The following ITGB1 variants were observed in gnomAD, a reference collection of about 807,000 sequenced individuals.
ITGB1 encodes integrin subunit beta 1.
In ITGB1, 24 loss-of-function variants were observed where a neutral mutation model predicts 86.5. The observed-to-expected ratio is 0.28, with a 90% CI of 0.20 to 0.39. The LOEUF is 0.39. ITGB1 is among the 10% of genes least tolerant of loss of function. The pLI, the probability that ITGB1 is intolerant of heterozygous loss-of-function variation, is 1.00. For missense variants in ITGB1, 556 were observed against 946.9 expected, an observed-to-expected ratio of 0.59 and a Z score of 5.42; for synonymous variants, 323 against 316.8, an observed-to-expected ratio of 1.02 and a Z score of -0.21.
At chr10:32,905,665 C>T (rs1022770848) in intron 15 of ITGB1, among the ~76,000 whole-genome samples, 15 of 152,188 alleles carry the variant, frequency 9.9e-5, no homozygotes, top group African/African-American at 2.7e-4. Flanking sequence ...AGTTACATAA[C>T]CCTTATGTGT....
At chr10:32,914,202 G>A (rs2050786904) in intron 11 of ITGB1, among the ~76,000 whole-genome samples, 1 of 152,172 alleles carries the variant, frequency 6.6e-6, no homozygotes, top group Non-Finnish European at 1.5e-5. Context: ...ACCAGCCACT[G>A]CAAAAACATG....
In ITGB1 at chr10:32,929,979, C is replaced by A. The variant is rs763951643; in HGVS notation, c.219G>T (p.Lys73Asn). 1.7e-6 allele frequency: 2 copies of A among 1,196,350 alleles called. No homozygotes were observed. Among genetic ancestry groups the A allele is most frequent in the Admixed American group, 1.7e-5 (1 of 59,538 alleles). The allele number at this position is 1,196,350 out of a possible 1,614,324, so 74.1% of individuals were successfully genotyped here. Residue 73 changes from lysine to asparagine, a missense_variant, in exon 4 of 16, where the codon AAG becomes AAT. Lys to Asn is a moderately conservative substitution (Grantham distance 94). Around this residue, in one of 4 missense-constraint regions of ITGB1, gnomAD observed 183 missense variants for 263.9 expected, o/e 0.69. Coordinates refer to ENST00000302278, the MANE Select transcript of ITGB1 (RefSeq NM_002211.4). ...TTTCTATGTCATCTGGAGGGCAACC[C>A]TTCTTTTTTAAGGCTTCTAAATCAT... is the stretch of plus-strand genomic sequence containing the variant. ...RCDDLEALKKKGCPPDDIENP... is the reference protein window; with the variant it reads ...RCDDLEALKKNGCPPDDIENP...
At chr10:32,928,308 A>G (rs199978557) in intron 4 of ITGB1, 44 bp from the exon 5 acceptor site, 5 of 775,798 alleles carry the variant, frequency 6.4e-6, no homozygotes, top group South Asian at 1.6e-5. Context: ...CCTGTTGGCA[A>G]TCAAACGCAA....
Position 32,932,381 on chromosome 10 carries a change from A to C in ITGB1, c.153+134T>G. 5.0e-6 allele frequency: 3 copies of C among 600,106 alleles called. No homozygotes were observed. In the South Asian group the frequency reaches 6.5e-5, roughly 13 times the overall value. 37.2% of individuals were successfully genotyped at this position (600,106 alleles called of 1,614,324 possible). ...TGCCTAGTGGCTACTGTGTTGAACC[A>C]CATAGCTCCAAACCATTAGGTTATT... On this transcript the variant is annotated intron_variant, in intron 3 of 15. Transcript: ENST00000302278.
At chr10:32,939,424 C>T (rs1187808998) in intron 1 of ITGB1, among the ~76,000 whole-genome samples, 1 of 152,210 alleles carries the variant, frequency 6.6e-6, no homozygotes, top group Non-Finnish European at 1.5e-5. Flanking sequence ...AAGGCAATCT[C>T]ATCTTTGTGC....
At chr10:32,940,713 C>G (rs571669489) in intron 1 of ITGB1, among the ~76,000 whole-genome samples, 4 of 152,350 alleles carry the variant, frequency 2.6e-5, no homozygotes, top group Admixed American at 6.5e-5. Context: ...ACCTTACTCT[C>G]TGCATTCATT....
At chr10:32,954,974 C>A (rs1363000945) in intron 1 of ITGB1, among the ~76,000 whole-genome samples, 3 of 152,192 alleles carry the variant, frequency 2.0e-5, no homozygotes, top group East Asian at 3.8e-4. Flanking sequence ...TTGTACACAG[C>A]TCCTGAAAGA....
At chr10:32,958,082 C>T (rs1321178519) in intron 1 of ITGB1, 63 bp downstream of exon 1, 1 of 148,456 alleles carries the variant, frequency 6.7e-6, no homozygotes, top group African/African-American at 2.5e-5. Context: ...TTAAGTGCTG[C>T]CGCGCACAGG....
intron 15 of ITGB1, among the ~76,000 whole-genome samples, chr10:32,906,187 T>C (rs1337835436): frequency 3.9e-5 from 6 of 152,230 alleles, no homozygotes; most frequent in Non-Finnish European, 8.8e-5. Context: ...TGTAGTTGCA[T>C]ACCATACAAA....
intron 15 of ITGB1, among the ~76,000 whole-genome samples, chr10:32,905,045 A>T (rs1172924059): frequency 1.1e-4 from 4 of 35,854 alleles, no homozygotes; most frequent in Middle Eastern, 0.022. Context: ...ATATGTATTA[A>T]AAAAAAAAAA....
In ITGB1 at chr10:32,923,613, T is replaced by C. The variant is rs750871428; in HGVS notation, c.914A>G (p.Asn305Ser). 1.2e-6 allele frequency: 2 copies of C among 1,613,702 alleles called. No individual in the cohort carries two copies. Among genetic ancestry groups the C allele is most frequent in the South Asian group, 2.2e-5 (2 of 91,026 alleles). The change falls in exon 7 of 16, where the codon AAT (asparagine) becomes AGT (serine). Residue 305 changes from asparagine (N) to serine (S), a missense_variant. Asn to Ser is a conservative substitution (Grantham distance 46, BLOSUM62 1). Coordinates refer to ENST00000302278, the MANE Select transcript of ITGB1 (RefSeq NM_002211.4). ...ATAATGGCTCATTGTGTACATATTA[T>C]TTTCCAGGTGACATTGTCCATCATT... ...LPNDGQCHLE[N>S]NMYTMSHYYD... is the part of the protein sequence containing the mutation.
intron 1 of ITGB1, among the ~76,000 whole-genome samples, chr10:32,939,877 C>A (rs2095014163): frequency 6.6e-6 from 1 of 152,194 alleles, no homozygotes; most frequent in Non-Finnish European, 1.5e-5. Flanking sequence ...CTAAAGCCTG[C>A]ACAGCTGCCC....
intron 11 of ITGB1, among the ~76,000 whole-genome samples, chr10:32,917,289 C>T (rs1157393237): frequency 6.6e-6 from 1 of 152,048 alleles, no homozygotes; most frequent in Non-Finnish European, 1.5e-5. Context: ...TAGGCAAGGA[C>T]TTCATGACTA....
Position 32,920,333 on chromosome 10 carries a change from G to A in ITGB1, c.1181C>T (p.Thr394Ile). Residue 394 changes from threonine to isoleucine, a missense_variant, in exon 10 of 16, where the codon ACA becomes ATA. Physicochemically the swap from Thr to Ile is moderately conservative, Grantham distance 89 (BLOSUM62 -1). Around this residue, in one of 4 missense-constraint regions of ITGB1, gnomAD observed 330 missense variants for 531.5 expected, o/e 0.62. Coordinates refer to ENST00000302278, the MANE Select transcript of ITGB1 (RefSeq NM_002211.4). ...LENGKLSEGV[T>I]ISYKSYCKNG... is the part of the protein sequence containing the mutation. ...CTTGCAGTAAGATTTGTAACTTATT[G>A]TTACGCCTTCTGACAATTTGCCGTT... 1.2e-6 allele frequency: 2 copies of A among 1,612,730 alleles called. No individual in the cohort carries two copies. The highest frequency in any genetic ancestry group is 2.2e-5 in the South Asian group (2 of 91,030).
chr10:32,934,671 T>C (rs1290320614), intron 2 of ITGB1, among the ~76,000 whole-genome samples: 1 of 152,260 alleles, frequency 6.6e-6, no homozygotes, highest in Admixed American at 6.5e-5. Context: ...CATTGTTTCA[T>C]ATTTTTACTA....
At chr10:32,922,571 T>C in intron 8 of ITGB1, 69 bp downstream of exon 8, 1 of 1,013,998 alleles carries the variant, frequency 9.9e-7, no homozygotes, top group Non-Finnish European at 1.5e-6. Context: ...CACATTTCAA[T>C]TCAGACATGA....
chr10:32,917,220 AC>A (rs2094934630), intron 11 of ITGB1, among the ~76,000 whole-genome samples: 1 of 152,264 alleles, frequency 6.6e-6, no homozygotes, highest in Non-Finnish European at 1.5e-5. Context: ...TAGATGTCAG[AC>A]CTAAAACCAT....
At chr10:32,915,310 A>G (rs1453687000) in intron 11 of ITGB1, among the ~76,000 whole-genome samples, 1 of 152,232 alleles carries the variant, frequency 6.6e-6, no homozygotes, top group African/African-American at 2.4e-5. Flanking sequence ...AGAAATAACT[A>G]AGATCAGAGC....
chr10:32,954,894 A>G (rs1420640114), intron 1 of ITGB1, among the ~76,000 whole-genome samples: 4 of 152,236 alleles, frequency 2.6e-5, no homozygotes, highest in African/African-American at 9.6e-5. Context: ...GTTTAAAGTT[A>G]GCTGACCTCT....
Sources: allele counts gnomAD v4.1 joint callset (sites outside exome capture counted in the v4.1 genomes callset), GRCh38; gene constraint gnomAD v4.1.1; regional missense constraint gnomAD v4.1.1; transcripts MANE v1.5; gene names NCBI Gene and HGNC (gene_info 2026-07-23, HGNC 2026-07-21).